SPOCK3: variants seen among roughly 807,000 people sequenced by gnomAD.
The protein encoded by SPOCK3 is SPARC (osteonectin), cwcv and kazal like domains proteoglycan 3, also known as testican-3.
SPOCK3 carries 30 observed loss-of-function variants against 56.6 expected under a neutral mutation model. The ratio of observed to expected loss-of-function variants is 0.53; its 90% CI spans 0.40 to 0.72. SPOCK3 has a LOEUF of 0.72. Among genes scored for constraint, SPOCK3 ranks in the 30% least tolerant of loss-of-function variants. The probability of loss-of-function intolerance (pLI) is 0.00; values close to 1 mark genes in which losing one functional copy is unlikely to be tolerated. For synonymous variants in SPOCK3, 196 were observed against 183.3 expected (o/e 1.07, Z -0.56); for missense variants, 527 against 530.0 (o/e 0.99, Z 0.06).
At chr4:167,182,547 T>A (rs1039183413) in intron 2 of SPOCK3, among the ~76,000 whole-genome samples, 2 of 146,496 alleles carry the variant, frequency 1.4e-5, no homozygotes, top group African/African-American at 2.5e-5. Context: ...TTTCATGTTC[T>A]TTTTTTTTTT....
intron 5 of SPOCK3, among the ~76,000 whole-genome samples, chr4:166,906,260 T>C (rs976301286): frequency 3.3e-5 from 5 of 152,088 alleles, no homozygotes; most frequent in African/African-American, 1.2e-4. Flanking sequence ...TAGGACCATT[T>C]CATTTTTGAC....
intron 5 of SPOCK3, among the ~76,000 whole-genome samples, chr4:166,899,773 C>T (rs897735360): frequency 2.0e-5 from 3 of 152,100 alleles, no homozygotes; most frequent in African/African-American, 7.2e-5. Flanking sequence ...CCTCAGCCTC[C>T]CAAGATGCTG....
intron 6 of SPOCK3, among the ~76,000 whole-genome samples, chr4:166,878,622 C>T (rs1733366494): frequency 6.6e-6 from 1 of 152,008 alleles, no homozygotes; most frequent in African/African-American, 2.4e-5. Context: ...TTATATATCT[C>T]TGCTTGGTAA....
intron 2 of SPOCK3, 105 bp from the exon 3 acceptor site, chr4:167,062,642 C>A: frequency 1.3e-6 from 1 of 767,748 alleles, no homozygotes; most frequent in Non-Finnish European, 2.2e-6. Context: ...GTATACAAAC[C>A]TCTACTTCCT....
chr4:166,819,752 T>A (rs1219106924), intron 6 of SPOCK3, among the ~76,000 whole-genome samples: 1 of 151,978 alleles, frequency 6.6e-6, no homozygotes, highest in African/African-American at 2.4e-5. Flanking sequence ...AAGACTCTTT[T>A]TTTTTTTGGA....
At chr4:166,846,175 G>A (rs1748038659) in intron 6 of SPOCK3, among the ~76,000 whole-genome samples, 1 of 152,088 alleles carries the variant, frequency 6.6e-6, no homozygotes, top group South Asian at 2.1e-4. Context: ...TGACTGAAAC[G>A]TTGTTATGTG....
intron 2 of SPOCK3, among the ~76,000 whole-genome samples, chr4:167,161,591 G>A (rs1418513566): frequency 1.3e-5 from 2 of 152,066 alleles, no homozygotes; most frequent in Admixed American, 6.6e-5. Flanking sequence ...ACACGCTCAC[G>A]TATGGTTATT....
intron 3 of SPOCK3, among the ~76,000 whole-genome samples, chr4:167,020,899 G>A (rs1751105581): frequency 6.6e-6 from 1 of 152,048 alleles, no homozygotes; most frequent in African/African-American, 2.4e-5. Context: ...AAGAAGATGG[G>A]TGGAGTAAGT....
chr4:167,102,275 A>G (rs1759719874), intron 2 of SPOCK3, among the ~76,000 whole-genome samples: 1 of 152,112 alleles, frequency 6.6e-6, no homozygotes, highest in Non-Finnish European at 1.5e-5. Flanking sequence ...ACAACAACCT[A>G]AAGTTTAAAT....
At chr4:166,925,662 C>T (rs993901303) in intron 4 of SPOCK3, among the ~76,000 whole-genome samples, 6 of 149,716 alleles carry the variant, frequency 4.0e-5, no homozygotes, top group Non-Finnish European at 9.0e-5. Flanking sequence ...ATCAATTCAA[C>T]CACTCCAAGG....
intron 3 of SPOCK3, among the ~76,000 whole-genome samples, chr4:167,002,234 C>T (rs192493027): frequency 6.6e-6 from 1 of 152,070 alleles, no homozygotes; most frequent in Non-Finnish European, 1.5e-5. Flanking sequence ...GCTGGGATTA[C>T]AATGGTGAGC....
At chr4:166,856,733 C>T (rs1298882901) in intron 6 of SPOCK3, among the ~76,000 whole-genome samples, 3 of 152,042 alleles carry the variant, frequency 2.0e-5, no homozygotes, top group Non-Finnish European at 4.4e-5. Context: ...GAGATCTTGC[C>T]ACTGCACTCC....
intron 2 of SPOCK3, among the ~76,000 whole-genome samples, chr4:167,101,429 C>T (rs1303962063): frequency 1.3e-5 from 2 of 152,122 alleles, no homozygotes; most frequent in African/African-American, 2.4e-5. Flanking sequence ...TCATTATCCA[C>T]ACTGATGACT....
intron 4 of SPOCK3, among the ~76,000 whole-genome samples, chr4:166,956,433 C>T (rs1230091314): frequency 6.6e-6 from 1 of 152,014 alleles, no homozygotes; most frequent in East Asian, 1.9e-4. Flanking sequence ...AGCAGTAGAT[C>T]CAATAACCAA....
At chr4:166,836,524 T>A (rs977148091) in intron 6 of SPOCK3, among the ~76,000 whole-genome samples, 1 of 152,208 alleles carries the variant, frequency 6.6e-6, no homozygotes, top group African/African-American at 2.4e-5. Context: ...ACTGACATAT[T>A]TTTTCTTATG....
At chr4:166,803,259 T>C (rs571582057) in intron 6 of SPOCK3, among the ~76,000 whole-genome samples, 4 of 152,282 alleles carry the variant, frequency 2.6e-5, no homozygotes, top group African/African-American at 4.8e-5. Context: ...TTAAAGAATA[T>C]TGATGTTCAC....
chr4:167,126,873 T>C (rs1240917415), intron 2 of SPOCK3, among the ~76,000 whole-genome samples: 1 of 152,108 alleles, frequency 6.6e-6, no homozygotes, highest in African/African-American at 2.4e-5. Flanking sequence ...CCCCTCACTT[T>C]TCCCTACTCA....
intron 2 of SPOCK3, among the ~76,000 whole-genome samples, chr4:167,137,505 C>A (rs954442093): frequency 1.6e-4 from 25 of 151,710 alleles, no homozygotes; most frequent in African/African-American, 6.0e-4. Flanking sequence ...TTGATTAATT[C>A]TTTGGACAAA....
chr4:166,962,209 T>C (rs1744218815), intron 4 of SPOCK3, among the ~76,000 whole-genome samples: 1 of 152,146 alleles, frequency 6.6e-6, no homozygotes. Flanking sequence ...CCTTAATTGC[T>C]CTTTGACATG....
Sources: gnomAD v4.1 joint callset for allele counts (sites outside exome capture counted in the v4.1 genomes callset) on GRCh38, gnomAD v4.1.1 for gene constraint, MANE v1.5 for transcripts, NCBI Gene and HGNC (gene_info 2026-07-23, HGNC 2026-07-21) for gene names.